CTNNA3: variants seen among roughly 807,000 people sequenced by gnomAD.
The protein encoded by CTNNA3 is catenin alpha 3.
A neutral mutation model predicts 95.7 loss-of-function variants in CTNNA3; 76 were observed. The observed-to-expected ratio is 0.79, with a 90% CI of 0.66 to 0.96. The LOEUF (loss-of-function observed/expected upper bound fraction) is 0.96. Among genes scored for constraint, CTNNA3 ranks in the 40% least tolerant of loss-of-function variants. The probability of loss-of-function intolerance (pLI) is 0.00; values close to 1 mark genes in which losing one functional copy is unlikely to be tolerated. For synonymous variants in CTNNA3, 431 were observed against 374.4 expected (o/e 1.15, Z -1.74); for missense variants, 1,191 against 1,089.8 (o/e 1.09, Z -1.31).
At chr10:67,106,364 T>C (rs1589746407) in intron 7 of CTNNA3, among the ~76,000 whole-genome samples, 1 of 152,240 alleles carries the variant, frequency 6.6e-6, no homozygotes, top group African/African-American at 2.4e-5. Context: ...GGTTTTGTTG[T>C]CATATACTTT....
At chr10:66,089,822 T>C (rs1262426966) in intron 14 of CTNNA3, among the ~76,000 whole-genome samples, 2 of 151,762 alleles carry the variant, frequency 1.3e-5, no homozygotes, top group African/African-American at 4.8e-5. Context: ...AGATTAATCT[T>C]AGGGATGGTG....
At chr10:66,376,723 G>A (rs1369344014) in intron 12 of CTNNA3, among the ~76,000 whole-genome samples, 1 of 152,080 alleles carries the variant, frequency 6.6e-6, no homozygotes, top group Non-Finnish European at 1.5e-5. Flanking sequence ...GTTAAATCCT[G>A]AAGACTGTAT....
intron 7 of CTNNA3, among the ~76,000 whole-genome samples, chr10:67,130,368 G>T (rs1011563770): frequency 1.3e-5 from 2 of 152,114 alleles, no homozygotes; most frequent in Non-Finnish European, 1.5e-5. Flanking sequence ...TATGAGGGAG[G>T]TGAGGAAAGA....
chr10:66,819,755 G>A (rs1352132773), intron 7 of CTNNA3, among the ~76,000 whole-genome samples: 1 of 152,096 alleles, frequency 6.6e-6, no homozygotes, highest in African/African-American at 2.4e-5. Flanking sequence ...ATTGTCATTA[G>A]AGAAACACAA....
chr10:67,510,959 G>A (rs1407204166), intron 5 of CTNNA3, among the ~76,000 whole-genome samples: 5 of 152,162 alleles, frequency 3.3e-5, no homozygotes, highest in African/African-American at 1.2e-4. Flanking sequence ...TAGTAATTGT[G>A]AATGGAAGTT....
intron 11 of CTNNA3, among the ~76,000 whole-genome samples, chr10:66,412,547 G>A (rs1448591643): frequency 7.0e-6 from 1 of 143,838 alleles, no homozygotes; most frequent in Non-Finnish European, 1.5e-5. Flanking sequence ...TGCAAGTTCT[G>A]TCTCCCTGGT....
At chr10:66,302,063 C>T (rs777089202) in intron 12 of CTNNA3, among the ~76,000 whole-genome samples, 3 of 151,886 alleles carry the variant, frequency 2.0e-5, no homozygotes, top group African/African-American at 4.8e-5. Flanking sequence ...AAACACAATG[C>T]CATTAACATG....
At chr10:67,078,534 T>A (rs1015893918) in intron 7 of CTNNA3, among the ~76,000 whole-genome samples, 2 of 152,142 alleles carry the variant, frequency 1.3e-5, no homozygotes, top group Admixed American at 6.5e-5. Flanking sequence ...TATTATTATT[T>A]GAGAAGGAGT....
chr10:66,229,862 T>C (rs977735321), intron 13 of CTNNA3, among the ~76,000 whole-genome samples: 2 of 152,128 alleles, frequency 1.3e-5, no homozygotes, highest in African/African-American at 4.8e-5. Context: ...TAACTATGTA[T>C]TTGCTTAATA....
At chr10:67,465,579 T>C (rs1847559215) in intron 5 of CTNNA3, among the ~76,000 whole-genome samples, 2 of 152,140 alleles carry the variant, frequency 1.3e-5, no homozygotes, top group Non-Finnish European at 2.9e-5. Flanking sequence ...GTCCACAGCC[T>C]TCAGGGAAAG....
At chr10:67,487,317 G>T (rs936055653) in intron 5 of CTNNA3, among the ~76,000 whole-genome samples, 1 of 152,126 alleles carries the variant, frequency 6.6e-6, no homozygotes. Context: ...GGCTGCCAAG[G>T]CTCCTGATCA....
At chr10:66,699,420 C>G (rs939841434) in intron 9 of CTNNA3, among the ~76,000 whole-genome samples, 1 of 151,772 alleles carries the variant, frequency 6.6e-6, no homozygotes, top group Non-Finnish European at 1.5e-5. Flanking sequence ...TTTTAAATAA[C>G]AGCCATCTTA....
intron 7 of CTNNA3, among the ~76,000 whole-genome samples, chr10:67,036,782 G>T (rs1269896664): frequency 6.6e-6 from 1 of 152,064 alleles, no homozygotes; most frequent in African/African-American, 2.4e-5. Flanking sequence ...AGTGAGCAGA[G>T]ACAAAAGTTT....
intron 2 of CTNNA3, among the ~76,000 whole-genome samples, chr10:67,615,109 A>G (rs1843604009): frequency 6.6e-6 from 1 of 152,368 alleles, no homozygotes; most frequent in Middle Eastern, 3.4e-3. Context: ...AAATGGCACA[A>G]TTCAATCCAT....
chr10:66,712,646 C>T (rs927214558), intron 9 of CTNNA3, among the ~76,000 whole-genome samples: 1 of 148,786 alleles, frequency 6.7e-6, no homozygotes, highest in African/African-American at 2.5e-5. Flanking sequence ...ATACCATCAA[C>T]TTTCATTGGC....
intron 3 of CTNNA3, among the ~76,000 whole-genome samples, chr10:67,590,431 A>G (rs548914456): frequency 1.7e-4 from 26 of 152,266 alleles, no homozygotes; most frequent in Admixed American, 7.8e-4. Context: ...AAACATAGCC[A>G]TGCATATATG....
chr10:66,195,904 T>C (rs2086932942), intron 13 of CTNNA3, among the ~76,000 whole-genome samples: 1 of 152,188 alleles, frequency 6.6e-6, no homozygotes, highest in African/African-American at 2.4e-5. Context: ...AAATTAATAT[T>C]TTAAAGAACT....
chr10:66,097,149 T>A (rs1057447343), intron 14 of CTNNA3, among the ~76,000 whole-genome samples: 2 of 152,204 alleles, frequency 1.3e-5, no homozygotes, highest in African/African-American at 4.8e-5. Context: ...AAGCATTTCT[T>A]CATTAGTCCC....
intron 7 of CTNNA3, among the ~76,000 whole-genome samples, chr10:67,051,997 C>T (rs1420681000): frequency 2.1e-5 from 3 of 145,746 alleles, no homozygotes; most frequent in South Asian, 2.2e-4. Flanking sequence ...TCAGGTGACC[C>T]GCCCACCTCA....
Sources: gnomAD v4.1 joint callset for allele counts (sites outside exome capture counted in the v4.1 genomes callset) on GRCh38, gnomAD v4.1.1 for gene constraint, MANE v1.5 for transcripts, NCBI Gene and HGNC (gene_info 2026-07-23, HGNC 2026-07-21) for gene names.